CREB5: variants seen among roughly 807,000 people sequenced by gnomAD.
CREB5 encodes the protein cAMP responsive element binding protein 5, also known as cyclic AMP-responsive element-binding protein 5.
CREB5 carries 19 observed loss-of-function variants against 57.1 expected under a neutral mutation model. The observed-to-expected ratio is 0.33, with a 90% CI of 0.23 to 0.49. The LOEUF (loss-of-function observed/expected upper bound fraction) is 0.49. CREB5 is among the 20% of genes least tolerant of loss of function. CREB5 has a pLI of 0.99. For missense variants in CREB5, 579 were observed against 671.6 expected, an observed-to-expected ratio of 0.86 and a Z score of 1.52; for synonymous variants, 238 against 238.3, an observed-to-expected ratio of 1.00 and a Z score of 0.01.
rs34917973 is a variant in CREB5 at position 28,816,055 on chromosome 7, G to GCACACACACACA, written c.1255-1997_1255-1986dup. 4.4e-3 allele frequency among the ~76,000 whole-genome samples: 646 copies of GCACACACACACA among 145,330 alleles called. 9 individuals are homozygous for GCACACACACACA. Among genetic ancestry groups the GCACACACACACA allele is most frequent in the Middle Eastern group, 0.01 (3 of 288 alleles). On this transcript the variant is annotated intron_variant, in intron 9 of 10. Transcript: ENST00000357727. ...ATTTCCTTCTGAAGCAAATATATACGCACACACACACACACACACACACAC... is the reference window on the plus strand; with the variant it reads ...ATTTCCTTCTGAAGCAAATATATACGCACACACACACACACACACACACACACACACACACAC...
intron 6 of CREB5, among the ~76,000 whole-genome samples, 156 bp downstream of exon 6, chr7:28,719,035 C>T (rs1802869974): frequency 6.6e-6 from 1 of 152,170 alleles, no homozygotes; most frequent in Non-Finnish European, 1.5e-5. Context: ...GCTTTGAGGG[C>T]CCAGTTGCCC....
chr7:28,724,813 G>A (rs1372672429), intron 7 of CREB5: 1 of 152,658 alleles, frequency 6.6e-6, no homozygotes, highest in Non-Finnish European at 1.5e-5. Context: ...GAAAGGATGA[G>A]AGCCTTATTT....
chr7:28,575,097 GA>G (rs1011481603), intron 5 of CREB5, among the ~76,000 whole-genome samples: 3 of 152,160 alleles, frequency 2.0e-5, no homozygotes, highest in African/African-American at 7.2e-5. Flanking sequence ...TGCAATCCCA[GA>G]TGCTATGTGT....
intron 7 of CREB5, among the ~76,000 whole-genome samples, chr7:28,746,206 G>T (rs745652293): frequency 4.6e-5 from 7 of 152,104 alleles, no homozygotes; most frequent in Non-Finnish European, 1.0e-4. Flanking sequence ...ATTAATATTA[G>T]CAAAAATGAA....
At chr7:28,657,352 G>GCC (rs1799370366) in intron 5 of CREB5, among the ~76,000 whole-genome samples, 2 of 152,160 alleles carry the variant, frequency 1.3e-5, no homozygotes, top group Non-Finnish European at 2.9e-5. Flanking sequence ...TGATATTAGA[G>GCC]CAGGGTCGAT....
chr7:28,385,664 G>A lies in CREB5; in HGVS notation c.-25+86223G>A, dbSNP rs1787075078. Among the ~76,000 whole-genome samples the A allele has an allele frequency of 2.0e-5, 3 of 146,416 alleles. No homozygotes were observed. The South Asian group carries it at 6.6e-4, about 32-fold the overall frequency. On this transcript the variant is annotated intron_variant, in intron 1 of 9. Coordinates refer to the CREB5 transcript ENST00000396299. Reference sequence around the variant, plus strand: ...TACACTCCAGCCTGTGTGACAGAAAGAGACCCTGTCTCAAAAAAAAAAAAG... The same window carrying A: ...TACACTCCAGCCTGTGTGACAGAAAAAGACCCTGTCTCAAAAAAAAAAAAG...
intron 5 of CREB5, among the ~76,000 whole-genome samples, chr7:28,575,630 A>G (rs1029844470): frequency 6.6e-6 from 1 of 152,228 alleles, no homozygotes; most frequent in South Asian, 2.1e-4. Context: ...CTCAGCCCTT[A>G]GCCAGGACAA....
intron 3 of CREB5, among the ~76,000 whole-genome samples, chr7:28,495,925 A>T (rs1792020241): frequency 6.6e-6 from 1 of 152,178 alleles, no homozygotes; most frequent in Non-Finnish European, 1.5e-5. Flanking sequence ...ATAATCCATT[A>T]GCTAATTGTG....
intron 1 of CREB5, among the ~76,000 whole-genome samples, chr7:28,303,668 T>C (rs1785139257): frequency 6.6e-6 from 1 of 152,238 alleles, no homozygotes; most frequent in African/African-American, 2.4e-5. Context: ...ATAGGATTGA[T>C]ATAAATATCT....
chr7:28,663,737 TAGAG>T lies in CREB5; in HGVS notation c.465-55012_465-55009del, dbSNP rs995602792. On this transcript the variant is annotated intron_variant, in intron 5 of 10. Transcript: ENST00000357727. The stretch of plus-strand genomic sequence containing the variant: ...TTTAATGTTTGTGATCTGTAATAGA[TAGAG>T]AGATTCTAATCATCTCTGTTTACAT... Among the ~76,000 whole-genome samples the T allele has an allele frequency of 5.8e-4, 89 of 152,354 alleles. No homozygotes were observed. In the South Asian group the frequency reaches 6.0e-3, roughly 10 times the overall value.
At chr7:28,460,527 G>A (rs1205595990) in intron 1 of CREB5, among the ~76,000 whole-genome samples, 1 of 152,140 alleles carries the variant, frequency 6.6e-6, no homozygotes, top group Non-Finnish European at 1.5e-5. Flanking sequence ...TAACTCCGGT[G>A]TTAGTATGTT....
At chr7:28,597,624 A>T (rs1013432958) in intron 5 of CREB5, among the ~76,000 whole-genome samples, 2 of 152,110 alleles carry the variant, frequency 1.3e-5, no homozygotes, top group African/African-American at 4.8e-5. Context: ...GTTGGACCAG[A>T]TTGAGGTGGA....
intron 7 of CREB5, among the ~76,000 whole-genome samples, chr7:28,784,682 G>A (rs910422908): frequency 2.6e-5 from 4 of 152,110 alleles, no homozygotes; most frequent in East Asian, 1.9e-4. Context: ...GGAAAGGTTC[G>A]GATATGAGCC....
rs79467483 is a variant in CREB5 at position 28,305,908 on chromosome 7, C to A, written c.-25+6467C>A. 2.0e-5 allele frequency among the ~76,000 whole-genome samples: 3 copies of A among 151,746 alleles called. No homozygotes were observed. In the East Asian group the frequency reaches 5.8e-4, roughly 29 times the overall value. The stretch of plus-strand genomic sequence containing the variant: ...GAACCCATCCAGATATTTGTCTATA[C>A]ACCAAAAATAGTGTGTGCGTGTGTG... On this transcript the variant is annotated intron_variant, in intron 1 of 9. Coordinates refer to the CREB5 transcript ENST00000396299.
intron 1 of CREB5, among the ~76,000 whole-genome samples, chr7:28,356,708 A>C (rs1050455075): frequency 6.6e-6 from 1 of 152,230 alleles, no homozygotes; most frequent in Non-Finnish European, 1.5e-5. Context: ...GCAGGGAGAC[A>C]GGCTGCCCCT....
intron 1 of CREB5, among the ~76,000 whole-genome samples, chr7:28,371,411 C>T (rs1395188912): frequency 1.3e-5 from 2 of 151,110 alleles, no homozygotes; most frequent in African/African-American, 4.9e-5. Context: ...ATAGCTTGCA[C>T]CCAGGAGGTG....
chr7:28,778,451 T>C lies in CREB5; in HGVS notation c.703-25748T>C, dbSNP rs576789747. On this transcript the variant is annotated intron_variant, in intron 7 of 10. Transcript: ENST00000357727. ...TAGCAATTATCATTAGAACTGATTC[T>C]TGTTATAAATCTGTGATTCTTGATC... 3.9e-5 allele frequency among the ~76,000 whole-genome samples: 6 copies of C among 152,320 alleles called. No individual in the cohort carries two copies. The South Asian group carries it at 1.2e-3, about 32-fold the overall frequency.
At chr7:28,751,125 A>C (rs572222044) in intron 7 of CREB5, among the ~76,000 whole-genome samples, 44 of 147,580 alleles carry the variant, frequency 3.0e-4, no homozygotes, top group African/African-American at 1.1e-3. Context: ...TTAACCAACA[A>C]ACGAAGCCAC....
At chr7:28,409,146 C>T (rs1431874244), upstream of CREB5, among the ~76,000 whole-genome samples, 2 of 151,656 alleles carry the variant, frequency 1.3e-5, no homozygotes, top group Non-Finnish European at 2.9e-5. This position sits in a 1 kb window ranked among gnomAD's most constrained non-coding sequence, Gnocchi z 4.4. Flanking sequence ...CGCAGTCGCC[C>T]CCGCCGCTGC....
Sources: allele counts gnomAD v4.1 joint callset (sites outside exome capture counted in the v4.1 genomes callset), GRCh38; gene constraint gnomAD v4.1.1; non-coding constraint Gnocchi (gnomAD v3.1); transcripts MANE v1.5; gene names NCBI Gene and HGNC (gene_info 2026-07-23, HGNC 2026-07-21).